GABRB1: variants seen among roughly 807,000 people sequenced by gnomAD.
The protein encoded by GABRB1 is gamma-aminobutyric acid type A receptor subunit beta1, also known as gamma-aminobutyric acid receptor subunit beta-1.
A neutral mutation model predicts 51.6 loss-of-function variants in GABRB1; 17 were observed. The ratio of observed to expected loss-of-function variants is 0.33; its 90% CI spans 0.23 to 0.49. The LOEUF is 0.49. Among genes scored for constraint, GABRB1 ranks in the 20% least tolerant of loss-of-function variants. GABRB1 has a pLI of 0.99. For synonymous variants in GABRB1, 247 were observed against 218.9 expected (o/e 1.13, Z -1.14); for missense variants, 410 against 600.6 (o/e 0.68, Z 3.32).
chr4:47,240,867 T>A (rs995777188), intron 4 of GABRB1, among the ~76,000 whole-genome samples: 1 of 152,194 alleles, frequency 6.6e-6, no homozygotes, highest in African/African-American at 2.4e-5. Context: ...ATTTTTCTCA[T>A]CCCATTCTCT....
At chr4:47,192,538 T>C (rs1719479625) in intron 4 of GABRB1, among the ~76,000 whole-genome samples, 1 of 152,196 alleles carries the variant, frequency 6.6e-6, no homozygotes, top group Non-Finnish European at 1.5e-5. Flanking sequence ...TCATTAATTG[T>C]TTAAGATGTC....
At chr4:47,145,039 A>G (rs1009710879) in intron 3 of GABRB1, among the ~76,000 whole-genome samples, 3 of 151,918 alleles carry the variant, frequency 2.0e-5, no homozygotes, top group Non-Finnish European at 4.4e-5. Flanking sequence ...GGACTTGTAG[A>G]TAAGTAGAAT....
At chr4:47,041,759 G>A (rs1432701277) in intron 3 of GABRB1, among the ~76,000 whole-genome samples, 3 of 151,980 alleles carry the variant, frequency 2.0e-5, no homozygotes. Flanking sequence ...TAGCTTTGTT[G>A]TCTCCATGGA....
At position 47,220,152 on chromosome 4, in the gene GABRB1, C is replaced by T. The variant is rs571607626; in HGVS notation, c.461+58683C>T. On this transcript the variant is annotated intron_variant, in intron 4 of 8. Coordinates refer to ENST00000295454, the MANE Select transcript of GABRB1 (RefSeq NM_000812.4). ...GGTTACCTTCTTCAGCTGCATCATC[C>T]CATCTTTTTTCTTTAGATAATAAAT... Among the ~76,000 whole-genome samples, 187 of 152,048 alleles carry T rather than the reference C, an allele frequency of 1.2e-3. 2 individuals carry two copies. The highest frequency in any genetic ancestry group is 1.5e-3 in the Non-Finnish European group (103 of 67,898).
At chr4:47,207,279 C>G (rs924329069) in intron 4 of GABRB1, among the ~76,000 whole-genome samples, 3 of 151,954 alleles carry the variant, frequency 2.0e-5, no homozygotes, top group African/African-American at 7.2e-5. Context: ...TTTCTCTTTT[C>G]TCTAAAATGC....
intron 4 of GABRB1, among the ~76,000 whole-genome samples, chr4:47,285,922 G>C (rs1433229401): frequency 6.6e-6 from 1 of 152,186 alleles, no homozygotes; most frequent in African/African-American, 2.4e-5. Context: ...GGAAAAGGGA[G>C]GAAGTAAGTT....
chr4:47,316,067 T>G (rs916431061), intron 4 of GABRB1, among the ~76,000 whole-genome samples: 1 of 151,800 alleles, frequency 6.6e-6, no homozygotes, highest in Admixed American at 6.6e-5. Flanking sequence ...AATAAATATT[T>G]TAAACTATAA....
chr4:47,189,076 A>G lies in GABRB1; in HGVS notation c.461+27607A>G, dbSNP rs1312242309. Among the ~76,000 whole-genome samples, 5 of 151,994 alleles carry G rather than the reference A, an allele frequency of 3.3e-5. No homozygotes were observed. In the South Asian group the frequency reaches 8.3e-4, roughly 25 times the overall value. On this transcript the variant is annotated intron_variant, in intron 4 of 8. Coordinates refer to ENST00000295454, the MANE Select transcript of GABRB1 (RefSeq NM_000812.4). ...TGAGCGTGGAAAGGGCCACAAAGCA[A>G]TAGGAGCCTAGGTCTTCCAAGGAAG...
intron 5 of GABRB1, among the ~76,000 whole-genome samples, chr4:47,336,647 T>C (rs1167941111): frequency 6.6e-6 from 1 of 152,052 alleles, no homozygotes; most frequent in South Asian, 2.1e-4. Flanking sequence ...AAAAAAATGT[T>C]CTAGAAAAAG....
intron 8 of GABRB1, among the ~76,000 whole-genome samples, 194 bp from the exon 9 acceptor site, chr4:47,425,480 T>TGATA (rs3138735): frequency 0.2 from 27,827 of 142,136 alleles, 2,831 homozygotes; most frequent in East Asian, 0.32. Context: ...TGGATGATGA[T>TGATA]GATAGATAGA....
chr4:47,019,699 C>T (rs988338485), intron 1 of GABRB1, among the ~76,000 whole-genome samples: 5 of 104,236 alleles, frequency 4.8e-5, no homozygotes, highest in South Asian at 2.9e-4. Context: ...TTCTTCTTTC[C>T]TTCTTTCCTT....
chr4:47,197,974 G>A (rs1484089568), intron 4 of GABRB1, among the ~76,000 whole-genome samples: 1 of 152,128 alleles, frequency 6.6e-6, no homozygotes, highest in Non-Finnish European at 1.5e-5. Flanking sequence ...CACATCTCAA[G>A]TCTCCCTTTT....
chr4:47,144,657 A>G (rs900105560), intron 3 of GABRB1, among the ~76,000 whole-genome samples: 3 of 151,990 alleles, frequency 2.0e-5, no homozygotes, highest in Non-Finnish European at 2.9e-5. Context: ...GACAGAACTC[A>G]TTATAGACAA....
intron 3 of GABRB1, among the ~76,000 whole-genome samples, chr4:47,154,252 T>C (rs1284807054): frequency 3.6e-5 from 3 of 82,860 alleles, no homozygotes; most frequent in East Asian, 6.4e-4. Context: ...ATACAAATTA[T>C]GGTTGTTTTT....
chr4:47,079,294 G>A lies in GABRB1; in HGVS notation c.240+46810G>A, dbSNP rs558888881. Among the ~76,000 whole-genome samples the A allele has an allele frequency of 6.6e-5, 10 of 152,234 alleles. No homozygotes were observed. In the South Asian group the frequency reaches 1.9e-3, roughly 28 times the overall value. ...AATTATTGCCTCAATTTCAGAGCCTGTTATTGGTCTATTCAGAGATTCAAT... is the reference window on the plus strand; with the variant it reads ...AATTATTGCCTCAATTTCAGAGCCTATTATTGGTCTATTCAGAGATTCAAT... On this transcript the variant is annotated intron_variant, in intron 3 of 8. Coordinates refer to ENST00000295454, the MANE Select transcript of GABRB1 (RefSeq NM_000812.4).
At chr4:47,199,823 CAGA>C (rs2109795186) in intron 4 of GABRB1, among the ~76,000 whole-genome samples, 1 of 152,176 alleles carries the variant, frequency 6.6e-6, no homozygotes, top group East Asian at 1.9e-4. Flanking sequence ...AAGAGTCATC[CAGA>C]AGACAGGGAC....
Position 46,998,700 on chromosome 4 carries a change from C to T in GABRB1, c.-20+4774C>T, listed in dbSNP as rs1035340203. Among the ~76,000 whole-genome samples the T allele has an allele frequency of 3.4e-4, 47 of 139,030 alleles. 1 individual carries two copies. Among genetic ancestry groups the T allele is most frequent in the Admixed American group, 2.4e-4 (3 of 12,702 alleles). 91.2% of individuals were successfully genotyped at this position (139,030 alleles called of 152,430 possible). ...AGTGAGCTGAGATTGTGCCACTGCA[C>T]TGCAGCCTGGGCCACTGAGCAAGAC... On this transcript the variant is annotated intron_variant, in intron 1 of 3. Coordinates refer to the GABRB1 transcript ENST00000513567.
chr4:47,408,406 T>A (rs1412524408), intron 8 of GABRB1, among the ~76,000 whole-genome samples: 1 of 152,196 alleles, frequency 6.6e-6, no homozygotes, highest in African/African-American at 2.4e-5. Context: ...ATTATAAATT[T>A]TCAGGGTGTA....
At chr4:47,261,225 G>A (rs548826241) in intron 4 of GABRB1, among the ~76,000 whole-genome samples, 1 of 152,170 alleles carries the variant, frequency 6.6e-6, no homozygotes, top group South Asian at 2.1e-4. Flanking sequence ...GGAAATAAAG[G>A]GTATTCAATT....
Sources: gnomAD v4.1 joint callset for allele counts (sites outside exome capture counted in the v4.1 genomes callset) on GRCh38, gnomAD v4.1.1 for gene constraint, MANE v1.5 for transcripts, NCBI Gene and HGNC (gene_info 2026-07-23, HGNC 2026-07-21) for gene names.